The following PLAAT3 variants were observed in gnomAD, a reference collection of about 807,000 sequenced individuals.
PLAAT3 encodes phospholipase A and acyltransferase 3.
A neutral mutation model predicts 16.7 loss-of-function variants in PLAAT3; 21 were observed. The ratio of observed to expected loss-of-function variants is 1.26; its 90% CI spans 0.89 to 1.81. The LOEUF (loss-of-function observed/expected upper bound fraction) is 1.81, where lower values mean the gene tolerates loss of function less well. PLAAT3 is among the 40% of genes most tolerant of loss of function. The pLI is 0.00. For missense variants in PLAAT3, 219 were observed against 213.7 expected, an observed-to-expected ratio of 1.02 and a Z score of -0.16; for synonymous variants, 76 against 81.7, an observed-to-expected ratio of 0.93 and a Z score of 0.38.
chr11:63,612,701 T>G (rs1245193575), intron 2 of PLAAT3, among the ~76,000 whole-genome samples: 2 of 152,230 alleles, frequency 1.3e-5, no homozygotes. Flanking sequence ...TCTAAGTTTT[T>G]CCTTTTTTCA....
chr11:63,589,880 T>C (rs933255938), intron 4 of PLAAT3, among the ~76,000 whole-genome samples: 6 of 152,072 alleles, frequency 3.9e-5, no homozygotes, highest in African/African-American at 1.4e-4. Context: ...ACTCCTTTCC[T>C]TGGCCACCCA....
chr11:63,591,662 T>C (rs1309695881), intron 3 of PLAAT3, among the ~76,000 whole-genome samples: 3 of 152,252 alleles, frequency 2.0e-5, no homozygotes, highest in African/African-American at 7.2e-5. Flanking sequence ...TCAGCCTGCA[T>C]GCAATGCCTA....
At chr11:63,598,228 T>C in intron 2 of PLAAT3, 65 bp from the exon 3 acceptor site, 2 of 1,107,526 alleles carry the variant, frequency 1.8e-6, no homozygotes, top group East Asian at 2.4e-5. Flanking sequence ...CAGGGCTCAG[T>C]GAGGAAGGTG....
intron 4 of PLAAT3, among the ~76,000 whole-genome samples, chr11:63,589,274 A>C (rs1313055575): frequency 6.6e-6 from 1 of 152,084 alleles, no homozygotes; most frequent in Non-Finnish European, 1.5e-5. Context: ...GGGAAGAAGA[A>C]ATTGGATCTC....
At chr11:63,589,975 C>T in intron 4 of PLAAT3, 125 bp downstream of exon 4, 1 of 715,378 alleles carries the variant, frequency 1.4e-6, no homozygotes, top group Non-Finnish European at 2.2e-6. Context: ...ACTGTGACAT[C>T]CTCAAGGGCA....
intron 4 of PLAAT3, among the ~76,000 whole-genome samples, chr11:63,577,499 C>T (rs534063917): frequency 3.3e-5 from 5 of 151,732 alleles, no homozygotes; most frequent in Admixed American, 6.6e-5. Flanking sequence ...CATGAGCATA[C>T]AACCAACACA....
At chr11:63,597,483 G>A (rs896604272) in intron 3 of PLAAT3, among the ~76,000 whole-genome samples, 4 of 152,144 alleles carry the variant, frequency 2.6e-5, no homozygotes, top group Non-Finnish European at 5.9e-5. Context: ...CCGAGATTGC[G>A]CCACTGCACT....
intron 2 of PLAAT3, 108 bp downstream of exon 2, chr11:63,613,892 A>C (rs984681466): frequency 4.5e-5 from 32 of 718,254 alleles, no homozygotes; most frequent in Non-Finnish European, 7.1e-5. Context: ...CGGGCCCCAC[A>C]TCCTCGAGGC....
chr11:63,602,285 CAA>C (rs61260700), intron 2 of PLAAT3, among the ~76,000 whole-genome samples: 258 of 139,272 alleles, frequency 1.9e-3, no homozygotes, highest in African/African-American at 2.2e-3. Context: ...GAAACTGTCT[CAA>C]AAAAAAAAAA....
At chr11:63,611,811 A>G (rs188575305) in intron 2 of PLAAT3, among the ~76,000 whole-genome samples, 2 of 152,358 alleles carry the variant, frequency 1.3e-5, no homozygotes, top group Admixed American at 1.3e-4. Context: ...TTTTTGCAGA[A>G]GAAAAACTTG....
At chr11:63,602,285 C>CA (rs61260700) in intron 2 of PLAAT3, among the ~76,000 whole-genome samples, 1 of 139,418 alleles carries the variant, frequency 7.2e-6, no homozygotes, top group African/African-American at 2.6e-5. Context: ...GAAACTGTCT[C>CA]AAAAAAAAAA....
intron 2 of PLAAT3, among the ~76,000 whole-genome samples, chr11:63,612,069 C>T (rs1203833581): frequency 2.0e-5 from 3 of 152,114 alleles, no homozygotes; most frequent in South Asian, 2.1e-4. Flanking sequence ...ACCCAGGAGG[C>T]GGAGGTTGCA....
Position 63,574,670 on chromosome 11 carries a change from TC to T in PLAAT3, c.*274del. On this transcript the variant is annotated 3_prime_UTR_variant, in exon 5 of 5. Coordinates refer to ENST00000415826, the MANE Select transcript of PLAAT3 (RefSeq NM_001128203.2). ...GAGATAACTGGAGCTGGACTCTGCCTCCTGCAATGCAAAGAACACAGCACGC... is the reference window on the plus strand; with the variant it reads ...GAGATAACTGGAGCTGGACTCTGCCTCTGCAATGCAAAGAACACAGCACGC... The T allele has an allele frequency of 2.5e-6, 1 of 392,804 alleles. No individual in the cohort carries two copies. The highest frequency in any genetic ancestry group is 4.7e-6 in the Non-Finnish European group (1 of 214,144). The allele number at this position is 392,804 out of a possible 1,614,324, so 24.3% of individuals were successfully genotyped here.
chr11:63,587,061 G>A (rs948538568), intron 4 of PLAAT3, among the ~76,000 whole-genome samples: 1 of 152,180 alleles, frequency 6.6e-6, no homozygotes, highest in Non-Finnish European at 1.5e-5. Flanking sequence ...TCTAGCCTGG[G>A]TGACGAAACA....
At chr11:63,587,121 A>C (rs1938000654) in intron 4 of PLAAT3, among the ~76,000 whole-genome samples, 1 of 152,218 alleles carries the variant, frequency 6.6e-6, no homozygotes, top group Non-Finnish European at 1.5e-5. Flanking sequence ...AACAAGAGAG[A>C]GAAGATAAGA....
chr11:63,589,708 A>AT (rs959638461), intron 4 of PLAAT3, among the ~76,000 whole-genome samples: 5 of 152,088 alleles, frequency 3.3e-5, no homozygotes, highest in Non-Finnish European at 4.4e-5. Context: ...CTCAACAAAG[A>AT]TTTTTTTGAT....
chr11:63,614,168 G>T, intron 1 of PLAAT3, 100 bp from the exon 2 acceptor site: 1 of 992,156 alleles, frequency 1.0e-6, no homozygotes, highest in Non-Finnish European at 1.5e-6. Flanking sequence ...TGAGAGGCGC[G>T]CCTCGGACCC....
chr11:63,595,332 A>G (rs1056237640), intron 3 of PLAAT3, among the ~76,000 whole-genome samples: 1 of 151,220 alleles, frequency 6.6e-6, no homozygotes, highest in African/African-American at 2.4e-5. Context: ...TAACAGCTCT[A>G]TTCATAGCAG....
chr11:63,604,379 C>T (rs1938506661), intron 2 of PLAAT3, among the ~76,000 whole-genome samples: 3 of 152,154 alleles, frequency 2.0e-5, no homozygotes, highest in Admixed American at 1.3e-4. Context: ...TGTTGATGGA[C>T]TTGCAGTTTT....
Sources: allele counts gnomAD v4.1 joint callset (sites outside exome capture counted in the v4.1 genomes callset), GRCh38; gene constraint gnomAD v4.1.1; transcripts MANE v1.5; gene names NCBI Gene and HGNC (gene_info 2026-07-23, HGNC 2026-07-21).